CMTR1: variants seen among roughly 807,000 people sequenced by gnomAD.
The protein encoded by CMTR1 is cap methyltransferase 1.
CMTR1 carries 39 observed loss-of-function variants against 107.0 expected under a neutral mutation model. The ratio of observed to expected loss-of-function variants is 0.36; its 90% confidence interval spans 0.28 to 0.48. CMTR1 has a LOEUF of 0.48. CMTR1 is among the 20% of genes least tolerant of loss of function. The pLI is 0.99. For missense variants in CMTR1, 672 were observed against 1,064.9 expected (o/e 0.63, Z 5.14); for synonymous variants, 366 against 379.5 (o/e 0.96, Z 0.41).
rs1761643367 is a variant in CMTR1 at position 37,472,256 on chromosome 6, A to G, written c.1621-163A>G. Among the ~76,000 whole-genome samples, 1 of 152,184 alleles carries G rather than the reference A, an allele frequency of 6.6e-6. No individual in the cohort carries two copies. Among genetic ancestry groups the G allele is most frequent in the Non-Finnish European group, 1.5e-5 (1 of 68,030 alleles). On this transcript the variant is annotated intron_variant, in intron 15 of 23. Transcript: ENST00000373451. This position sits in a 1 kb window ranked among gnomAD's most constrained non-coding sequence, Gnocchi z 4.1. ...ATTGCCACAGGATCTGAAAGGGAGC[A>G]GTGAGTGAATTATCCACCTCCATCC...
At position 37,481,103 on chromosome 6, in the gene CMTR1, C is replaced by T. The variant is rs898839286; in HGVS notation, c.*958C>T. The T allele has an allele frequency of 3.8e-6, 5 of 1,304,008 alleles. No homozygotes were observed. In the African/African-American group the frequency reaches 7.6e-5, roughly 20 times the overall value. The allele number at this position is 1,304,008 out of a possible 1,614,324, so 80.8% of individuals were successfully genotyped here. On this transcript the variant is annotated 3_prime_UTR_variant, in exon 24 of 24. Transcript: ENST00000373451. Reference sequence around the variant, plus strand: ...AGCTCCCTTACTACCCTTTCCCTTCCTTTTTCTTCCCTAATAGGAGGTACA... The same window carrying T: ...AGCTCCCTTACTACCCTTTCCCTTCTTTTTTCTTCCCTAATAGGAGGTACA...
At chr6:37,479,008 TG>T (rs1761801759) in intron 22 of CMTR1, 138 bp from the exon 23 acceptor site, 1 of 621,226 alleles carries the variant, frequency 1.6e-6, no homozygotes, top group South Asian at 1.9e-5. Context: ...TGATGAAGGC[TG>T]CTGCCTCACG....
At chr6:37,455,769 T>C (rs759322823) in intron 8 of CMTR1, among the ~76,000 whole-genome samples, 2 of 152,224 alleles carry the variant, frequency 1.3e-5, no homozygotes, top group Non-Finnish European at 2.9e-5. Flanking sequence ...AGGAAGTTGA[T>C]CTGATTGAGT....
At chr6:37,435,523 G>A (rs767704887) in intron 1 of CMTR1, 101 bp from the exon 2 acceptor site, 5 of 1,339,050 alleles carry the variant, frequency 3.7e-6, no homozygotes, top group Non-Finnish European at 5.1e-6. Flanking sequence ...GTGTAGAATT[G>A]CCAAATCTCA....
intron 12 of CMTR1, among the ~76,000 whole-genome samples, chr6:37,462,493 G>A (rs773438611): frequency 1.3e-5 from 2 of 152,208 alleles, no homozygotes; most frequent in African/African-American, 4.8e-5. Context: ...AGAATTGCCC[G>A]GTGGCTTTGT....
At chr6:37,451,053 AT>A (rs373718495) in intron 5 of CMTR1, among the ~76,000 whole-genome samples, 28 of 149,210 alleles carry the variant, frequency 1.9e-4, no homozygotes, top group African/African-American at 5.4e-4. Flanking sequence ...CTCCTCACTC[AT>A]TTTTTTTTTG....
At chr6:37,457,003 T>C (rs1761308145) in intron 8 of CMTR1, among the ~76,000 whole-genome samples, 1 of 151,906 alleles carries the variant, frequency 6.6e-6, no homozygotes, top group Admixed American at 6.6e-5. Flanking sequence ...GGAGGATTGC[T>C]TCAGTCCAGG....
intron 8 of CMTR1, among the ~76,000 whole-genome samples, chr6:37,453,878 A>G (rs534213110): frequency 2.6e-5 from 4 of 152,322 alleles, no homozygotes; most frequent in African/African-American, 9.6e-5. Flanking sequence ...GCTAGGGTAG[A>G]ACCAAAAGGC....
intron 23 of CMTR1, among the ~76,000 whole-genome samples, 182 bp from the exon 24 acceptor site, chr6:37,479,831 G>C (rs867289176): frequency 6.6e-6 from 1 of 152,226 alleles, no homozygotes; most frequent in Non-Finnish European, 1.5e-5. Context: ...ACAGCTGTTT[G>C]TTGGGAAAAG....
chr6:37,471,117 G>A (rs1389048520), intron 14 of CMTR1, 40 bp downstream of exon 14: 2 of 1,534,700 alleles, frequency 1.3e-6, no homozygotes, highest in Non-Finnish European at 1.8e-6. Flanking sequence ...CTATTTCAAG[G>A]GAAGATCTTG....
In CMTR1 at chr6:37,472,531, T is replaced by TAA; in HGVS notation, c.1689+44_1689+45insAA. ...GTGGACATAAAAAGTTAGAGATCTG[T>TAA]CTCTAGATGTGGATGGTATCACTGA... On this transcript the variant is annotated intron_variant, in intron 16 of 23. Coordinates refer to ENST00000373451, the MANE Select transcript of CMTR1 (RefSeq NM_015050.3). This position sits in a 1 kb window ranked among gnomAD's most constrained non-coding sequence, Gnocchi z 4.1. 8 of 1,575,514 alleles carry TAA rather than the reference T, an allele frequency of 5.1e-6. No individual in the cohort carries two copies. Among genetic ancestry groups the TAA allele is most frequent in the Non-Finnish European group, 6.1e-6 (7 of 1,145,122 alleles).
chr6:37,461,894 T>C, intron 11 of CMTR1, 76 bp from the exon 12 acceptor site: 1 of 1,523,804 alleles, frequency 6.6e-7, no homozygotes, highest in Non-Finnish European at 9.1e-7. Flanking sequence ...CTTTGTCATA[T>C]TTACTCCCAA....
chr6:37,469,762 A>G (rs1272919108), intron 13 of CMTR1, among the ~76,000 whole-genome samples: 1 of 151,858 alleles, frequency 6.6e-6, no homozygotes, highest in Non-Finnish European at 1.5e-5. Context: ...TCCTGACCTC[A>G]GGTGATCCGC....
At chr6:37,452,472 G>GAGT (rs1189258906) in intron 6 of CMTR1, among the ~76,000 whole-genome samples, 2 of 152,316 alleles carry the variant, frequency 1.3e-5, no homozygotes, top group Admixed American at 1.3e-4. Flanking sequence ...GCAGGCCTCA[G>GAGT]AGTAGCCTCA....
intron 12 of CMTR1, 94 bp downstream of exon 12, chr6:37,462,196 C>T (rs1304537589): frequency 8.4e-6 from 12 of 1,430,152 alleles, no homozygotes; most frequent in Non-Finnish European, 1.1e-5. Context: ...TCTTAAGCTA[C>T]GTTTAAAACC....
chr6:37,450,764 C>T (rs541881276), intron 5 of CMTR1, among the ~76,000 whole-genome samples: 1 of 152,228 alleles, frequency 6.6e-6, no homozygotes, highest in East Asian at 1.9e-4. Flanking sequence ...AGATGGCTAC[C>T]AAATCAATAT....
At position 37,475,386 on chromosome 6, in the gene CMTR1, C is replaced by T. The variant is rs371268496; in HGVS notation, c.2010C>T (p.Asp670=). ...ILDVLVLNGT[D]VREQHFNQRI... ...ATGTCCTTGTGCTGAATGGCACCGACGTTCGGGAGCAGCACTTTAACCAGC... is the reference window on the plus strand; with the variant it reads ...ATGTCCTTGTGCTGAATGGCACCGATGTTCGGGAGCAGCACTTTAACCAGC... The change falls in exon 19 of 24, where the codon GAC becomes GAT. Residue 670 remains aspartate (D), a synonymous_variant. Coordinates refer to ENST00000373451, the MANE Select transcript of CMTR1 (RefSeq NM_015050.3). 83 of 1,549,090 alleles carry T rather than the reference C, an allele frequency of 5.4e-5. No homozygotes were observed. The highest frequency in any genetic ancestry group is 2.7e-4 in the African/African-American group (20 of 73,010).
At chr6:37,448,215 A>G (rs1403134418) in intron 4 of CMTR1, among the ~76,000 whole-genome samples, 2 of 151,060 alleles carry the variant, frequency 1.3e-5, no homozygotes, top group Non-Finnish European at 3.0e-5. Flanking sequence ...CGTCTCAAAA[A>G]AAAAAAAAAA....
At chr6:37,463,883 A>G (rs1182658242) in intron 13 of CMTR1, among the ~76,000 whole-genome samples, 2 of 152,184 alleles carry the variant, frequency 1.3e-5, no homozygotes, top group Non-Finnish European at 2.9e-5. Flanking sequence ...AAACTTCAGC[A>G]TGTTATAGAT....
Sources: allele counts gnomAD v4.1 joint callset (sites outside exome capture counted in the v4.1 genomes callset), GRCh38; gene constraint gnomAD v4.1.1; non-coding constraint Gnocchi (gnomAD v3.1); transcripts MANE v1.5; gene names NCBI Gene and HGNC (gene_info 2026-07-23, HGNC 2026-07-21).